PHF19: variants seen among roughly 807,000 people sequenced by gnomAD.
The protein encoded by PHF19 is polycomb like 3.
PHF19 carries 21 observed loss-of-function variants against 79.8 expected under a neutral mutation model. That is an observed-to-expected ratio of 0.26 (90% CI 0.19 to 0.38). The LOEUF (loss-of-function observed/expected upper bound fraction) is 0.38. PHF19 is among the 10% of genes least tolerant of loss of function. The pLI is 1.00. For synonymous variants in PHF19, 273 were observed against 296.3 expected (o/e 0.92, Z 0.81); for missense variants, 445 against 744.2 (o/e 0.60, Z 4.68).
chr9:120,862,681 T>C lies in PHF19; in HGVS notation c.1037A>G (p.Asn346Ser), dbSNP rs757433052. Residue 346 changes from asparagine to serine, a missense_variant, in exon 11 of 15, where the codon AAC becomes AGC. Transcript: ENST00000373896. This position sits in a 1 kb window ranked among gnomAD's most constrained non-coding sequence, Gnocchi z 4.6. Reference sequence around the variant, plus strand: ...GTCAGGCAGCAGCTTCCCTGGCGGGTTGGGTGGGACGCGGATGCGCAGGCG... The same window carrying C: ...GTCAGGCAGCAGCTTCCCTGGCGGGCTGGGTGGGACGCGGATGCGCAGGCG... ...IFRLRIRVPP[N>S]PPGKLLPDKG... 1 of 1,614,050 alleles carries C rather than the reference T, an allele frequency of 6.2e-7. No homozygotes were observed. Among genetic ancestry groups the C allele is most frequent in the Admixed American group, 1.7e-5 (1 of 60,022 alleles).
chr9:120,865,728 C>G lies in PHF19; in HGVS notation c.882G>C (p.Glu294Asp), dbSNP rs770372482. Residue 294 changes from glutamate (E) to aspartate (D), a missense_variant, in exon 9 of 15, where the codon GAG becomes GAC. This residue lies in a region of PHF19 where 167 missense variants were observed against 375.8 expected (regional missense o/e 0.44). Transcript: ENST00000373896. ...EILAFVNHHWELLQLGKLTST... is the reference protein window; with the variant it reads ...EILAFVNHHWDLLQLGKLTST... Reference sequence around the variant, plus strand: ...CACATACCTTGCCAAGCTGCAGGAGCTCCCAGTGGTGGTTGACAAAGGCCA... The same window carrying G: ...CACATACCTTGCCAAGCTGCAGGAGGTCCCAGTGGTGGTTGACAAAGGCCA... 3 of 1,614,072 alleles carry G rather than the reference C, an allele frequency of 1.9e-6. No homozygotes were observed. Among genetic ancestry groups the G allele is most frequent in the African/African-American group, 2.7e-5 (2 of 74,928 alleles).
rs956071891 is a variant in PHF19, at chr9:120,873,966, T to C, written c.268+13A>G. 4.8e-6 allele frequency: 7 copies of C among 1,463,286 alleles called. No homozygotes were observed. The African/African-American group carries it at 7.0e-5, about 15-fold the overall frequency. The allele number at this position is 1,463,286 out of a possible 1,614,324, so 90.6% of individuals were successfully genotyped here. A position where few individuals can be genotyped will look rare whatever the true frequency, so the allele number is the denominator to read the frequency against. On this transcript the variant is annotated intron_variant, in intron 3 of 14. Transcript: ENST00000373896. The stretch of plus-strand genomic sequence containing the variant: ...GGAGGTTGGGGGCTACCCGAAATGT[T>C]AGGAAAACTCACCATGCTGTATGTC...
intron 1 of PHF19, among the ~76,000 whole-genome samples, chr9:120,887,332 T>C (rs944126143): frequency 6.6e-6 from 1 of 151,242 alleles, no homozygotes; most frequent in East Asian, 2.0e-4. Context: ...CGCGTGCCTG[T>C]AATCCCAGCT....
At chr9:120,876,435 G>GGGCCCCCGGGTGGCGCCCCCCC (rs2131568953) in intron 1 of PHF19, 1 of 152,028 alleles carries the variant, frequency 6.6e-6, no homozygotes, top group East Asian at 2.0e-4. Flanking sequence ...GGCCGGGCGG[G>GGGCCCCCGGGTGGCGCCCCCCC]GGCCCCCGGG....
At chr9:120,876,654 G>T (rs1163884308) in intron 1 of PHF19, among the ~76,000 whole-genome samples, 1 of 152,162 alleles carries the variant, frequency 6.6e-6, no homozygotes, top group Non-Finnish European at 1.5e-5. Context: ...GGCGGCCGTT[G>T]GCTTTTTAAA....
At chr9:120,886,362 G>T (rs2046262527) in intron 1 of PHF19, among the ~76,000 whole-genome samples, 2 of 152,226 alleles carry the variant, frequency 1.3e-5, no homozygotes, top group Admixed American at 1.3e-4. Flanking sequence ...TATGTGGCTG[G>T]TGTGGTGGCA....
the PHF19 span, chr9:120,903,549 G>C: frequency 1.3e-5 from 2 of 152,692 alleles, no homozygotes; most frequent in African/African-American, 4.8e-5. Flanking sequence ...ATGGAGTCTG[G>C]CACAGGCTCA....
chr9:120,903,287 A>G, the PHF19 span: 1 of 152,258 alleles, frequency 6.6e-6, no homozygotes. Context: ...GTGCTCCATT[A>G]TTGCAGTTGG....
At chr9:120,872,000 T>TGCACTCCA (rs960028239) in intron 3 of PHF19, among the ~76,000 whole-genome samples, 1 of 116,082 alleles carries the variant, frequency 8.6e-6, no homozygotes, top group African/African-American at 3.3e-5. Flanking sequence ...ATCAAGCCAC[T>TGCACTCCA]GCACTCCAGC....
chr9:120,876,746 C>T (rs1293584867), intron 1 of PHF19, among the ~76,000 whole-genome samples: 2 of 152,312 alleles, frequency 1.3e-5, no homozygotes, highest in Admixed American at 1.3e-4. Context: ...GCTCGGACGC[C>T]AAGCCTCCCC....
chr9:120,882,795 T>C (rs1424949016), intron 1 of PHF19, among the ~76,000 whole-genome samples: 2 of 150,962 alleles, frequency 1.3e-5, no homozygotes, highest in African/African-American at 4.9e-5. Context: ...TGAGCCGATA[T>C]TGTGCCATTG....
chr9:120,902,366 G>A, the PHF19 span: 1 of 152,116 alleles, frequency 6.6e-6, no homozygotes, highest in African/African-American at 2.4e-5. Context: ...TGAATCACCT[G>A]TAAAAGATGC....
rs988201675 is a variant in PHF19, at chr9:120,874,975, C to T, written c.-15-219G>A. 1.8e-4 allele frequency among the ~76,000 whole-genome samples: 27 copies of T among 152,204 alleles called. No individual in the cohort carries two copies. Among genetic ancestry groups the T allele is most frequent in the African/African-American group, 6.5e-4 (27 of 41,518 alleles). ...TGGCAAGGAGAAGAGGCTGATGGGC[C>T]AAAGGCAGAGCCATGGCCCATACCA... On this transcript the variant is annotated intron_variant, in intron 1 of 14. Transcript: ENST00000373896. The surrounding 1 kb of genome is among the most constrained non-coding windows in gnomAD (Gnocchi z 4.5).
rs200133117 is a variant in PHF19, at chr9:120,860,708, T to C, written c.1304+381A>G. On this transcript the variant is annotated intron_variant, in intron 13 of 14. Transcript: ENST00000373896. This position sits in a 1 kb window ranked among gnomAD's most constrained non-coding sequence, Gnocchi z 4.1. ...GGACATACTTAAGCATGGGGTGCTATGGAACTACAAAGGAGGGCGTCCAGC... is the reference window on the plus strand; with the variant it reads ...GGACATACTTAAGCATGGGGTGCTACGGAACTACAAAGGAGGGCGTCCAGC... Among the ~76,000 whole-genome samples the C allele has an allele frequency of 6.6e-6, 1 of 152,152 alleles. No homozygotes were observed. Among genetic ancestry groups the C allele is most frequent in the African/African-American group, 2.4e-5 (1 of 41,426 alleles).
chr9:120,878,782 C>T (rs2046132523), upstream of PHF19, among the ~76,000 whole-genome samples: 1 of 152,236 alleles, frequency 6.6e-6, no homozygotes, highest in Non-Finnish European at 1.5e-5. Flanking sequence ...CTGGGAGCAG[C>T]CCCATGGCAC....
At chr9:120,879,145 G>T (rs1191498650), upstream of PHF19, among the ~76,000 whole-genome samples, 1 of 152,230 alleles carries the variant, frequency 6.6e-6, no homozygotes, top group Non-Finnish European at 1.5e-5. Flanking sequence ...TTATTGGGAA[G>T]GTTAGAGTTA....
In PHF19 at chr9:120,860,459, T is replaced by A. The variant is rs2045488668; in HGVS notation, c.1305-274A>T. ...TGATCCAAGGCACCTGTGCAACACTTCACAGGTCAAAAGTGCTTTCATTTG... is the reference window on the plus strand; with the variant it reads ...TGATCCAAGGCACCTGTGCAACACTACACAGGTCAAAAGTGCTTTCATTTG... On this transcript the variant is annotated intron_variant, in intron 13 of 14. Coordinates refer to ENST00000373896, the MANE Select transcript of PHF19 (RefSeq NM_015651.3). The surrounding 1 kb of genome is among the most constrained non-coding windows in gnomAD (Gnocchi z 4.1). The A allele has an allele frequency of 6.9e-6, 3 of 436,720 alleles. No individual in the cohort carries two copies. The highest frequency in any genetic ancestry group is 6.5e-5 in the South Asian group (3 of 45,912). The allele number at this position is 436,720 out of a possible 1,614,324, so 27.1% of individuals were successfully genotyped here.
At position 120,862,287 on chromosome 9, in the gene PHF19, G is replaced by A. The variant is rs7046489; in HGVS notation, c.1131-282C>T. Among the ~76,000 whole-genome samples the A allele has an allele frequency of 2.6e-5, 4 of 152,242 alleles. No homozygotes were observed. The highest frequency in any genetic ancestry group is 5.9e-5 in the Non-Finnish European group (4 of 68,038). Reference sequence around the variant, plus strand: ...CCCAGTGCCAGGATGAGGGGGCTCAGCTGAGCCAGGAGAGAGAGGGACCCC... The same window carrying A: ...CCCAGTGCCAGGATGAGGGGGCTCAACTGAGCCAGGAGAGAGAGGGACCCC... On this transcript the variant is annotated intron_variant, in intron 11 of 14. Transcript: ENST00000373896. This position sits in a 1 kb window ranked among gnomAD's most constrained non-coding sequence, Gnocchi z 4.6.
chr9:120,871,868 T>C (rs2131547682), intron 3 of PHF19, among the ~76,000 whole-genome samples: 1 of 151,408 alleles, frequency 6.6e-6, no homozygotes. Context: ...TGACACCCCC[T>C]CTCTACTAAA....
Sources: gnomAD v4.1 joint callset for allele counts (sites outside exome capture counted in the v4.1 genomes callset) on GRCh38, gnomAD v4.1.1 for gene constraint, gnomAD v4.1.1 regional missense constraint, Gnocchi (gnomAD v3.1) non-coding constraint, MANE v1.5 for transcripts, NCBI Gene and HGNC (gene_info 2026-07-23, HGNC 2026-07-21) for gene names.